CAPN14: variants seen among roughly 807,000 people sequenced by gnomAD.
CAPN14 encodes calpain-14.
Under a neutral mutation model 101.3 loss-of-function variants are expected in CAPN14, and 94 were observed. The observed-to-expected ratio is 0.93, with a 90% CI of 0.79 to 1.10. CAPN14 has a LOEUF of 1.10. Ranked by LOEUF, CAPN14 falls within the 50% of genes least tolerant of loss-of-function variation. The probability of loss-of-function intolerance (pLI) is 0.00; values close to 1 mark genes in which losing one functional copy is unlikely to be tolerated. For missense variants in CAPN14, 837 were observed against 828.4 expected (o/e 1.01, Z -0.13); for synonymous variants, 338 against 317.9 (o/e 1.06, Z -0.67).
chr2:31,186,828 T>C (rs1444017843), intron 15 of CAPN14, among the ~76,000 whole-genome samples: 2 of 152,218 alleles, frequency 1.3e-5, no homozygotes, highest in East Asian at 1.9e-4. Context: ...ATCAGTGAAA[T>C]ATAAGTATCA....
At position 31,205,276 on chromosome 2, in the gene CAPN14, T is replaced by G; in HGVS notation, c.172A>C (p.Ser58Arg). Residue 58 changes from serine to arginine, a missense_variant, in exon 2 of 22, where the codon AGT becomes CGT. Coordinates refer to ENST00000403897, the MANE Select transcript of CAPN14 (RefSeq NM_001145122.2). The stretch of plus-strand genomic sequence containing the variant: ...GGCAGCTTCTGCAGCAGGGAGCCAC[T>G]GCCGATGGAGCTCAGGGTGGCCGGG... ...SFPATLSSIG[S>R]GSLLQKLPPR... The G allele has an allele frequency of 6.5e-7, 1 of 1,550,096 alleles. No individual in the cohort carries two copies. Among genetic ancestry groups the G allele is most frequent in the South Asian group, 1.2e-5 (1 of 83,974 alleles).
At chr2:31,180,092 T>C (rs1192677530) in intron 17 of CAPN14, among the ~76,000 whole-genome samples, 1 of 152,128 alleles carries the variant, frequency 6.6e-6, no homozygotes, top group African/African-American at 2.4e-5. Flanking sequence ...TGGGTCAAAG[T>C]ACCACCACAC....
chr2:31,219,802 T>C (rs1260084806), upstream of CAPN14, among the ~76,000 whole-genome samples: 1 of 152,198 alleles, frequency 6.6e-6, no homozygotes, highest in East Asian at 1.9e-4. Flanking sequence ...TGAAACACAG[T>C]TGTGCTCGTC....
At chr2:31,202,316 C>G in intron 3 of CAPN14, 64 bp from the exon 4 acceptor site, 2 of 1,319,218 alleles carry the variant, frequency 1.5e-6, no homozygotes, top group Non-Finnish European at 2.1e-6. Flanking sequence ...GCAGAAAATG[C>G]CCGGTCCCAA....
intron 16 of CAPN14, among the ~76,000 whole-genome samples, chr2:31,181,400 T>TTCTG (rs1326036911): frequency 1.7e-5 from 1 of 57,948 alleles, no homozygotes; most frequent in East Asian, 6.5e-4. Flanking sequence ...CTTTCTTTTT[T>TTCTG]TCTTTCTTTC....
chr2:31,186,869 T>C (rs1680924809), intron 15 of CAPN14, among the ~76,000 whole-genome samples: 1 of 152,248 alleles, frequency 6.6e-6, no homozygotes, highest in Non-Finnish European at 1.5e-5. Context: ...TGAGGCATAT[T>C]CATAACATGC....
chr2:31,215,766 T>A (rs1371571836), intron 1 of CAPN14, among the ~76,000 whole-genome samples: 1 of 149,916 alleles, frequency 6.7e-6, no homozygotes, highest in Non-Finnish European at 1.5e-5. Flanking sequence ...TGATTAACGC[T>A]ACTCCAGAAG....
intron 8 of CAPN14, 68 bp from the exon 9 acceptor site, chr2:31,194,551 T>C: frequency 1.0e-6 from 1 of 994,602 alleles, no homozygotes; most frequent in Non-Finnish European, 1.5e-6. Context: ...AAAGGCTCTA[T>C]AGTGTCATTA....
chr2:31,196,857 C>T (rs560749256), intron 8 of CAPN14, among the ~76,000 whole-genome samples: 86 of 152,282 alleles, frequency 5.6e-4, no homozygotes, highest in African/African-American at 2.0e-3. Flanking sequence ...AGACACTGAA[C>T]CCAGGCACCA....
intron 1 of CAPN14, among the ~76,000 whole-genome samples, chr2:31,211,226 G>T (rs1682383628): frequency 8.2e-6 from 1 of 121,652 alleles, no homozygotes; most frequent in African/African-American, 2.9e-5. Flanking sequence ...AAGAAAGAGA[G>T]AAAGAAAGAA....
intron 2 of CAPN14, among the ~76,000 whole-genome samples, chr2:31,203,822 G>A (rs1431195150): frequency 1.3e-5 from 2 of 152,134 alleles, no homozygotes; most frequent in Non-Finnish European, 2.9e-5. Flanking sequence ...GAAAAGGAAA[G>A]TCTGTGGCAC....
chr2:31,191,454 A>T (rs970711965), intron 11 of CAPN14, 47 bp from the exon 12 acceptor site: 12 of 1,501,316 alleles, frequency 8.0e-6, no homozygotes, highest in African/African-American at 1.4e-5. Context: ...AAGAGGAGAG[A>T]GAGATCTCAT....
In CAPN14 at chr2:31,183,331, A is replaced by C. The variant is rs866328651; in HGVS notation, c.1646-2331T>G. Among the ~76,000 whole-genome samples, 556 of 152,256 alleles carry C rather than the reference A, an allele frequency of 3.7e-3. 5 individuals are homozygous for C. Among genetic ancestry groups the C allele is most frequent in the South Asian group, 0.035 (168 of 4,792 alleles). ...CAATGGCAACAAAAGCCAAAATTGA[A>C]AAATGGGATCTAATTAAACTAAAGA... On this transcript the variant is annotated intron_variant, in intron 16 of 21. Coordinates refer to ENST00000403897, the MANE Select transcript of CAPN14 (RefSeq NM_001145122.2).
intron 1 of CAPN14, among the ~76,000 whole-genome samples, chr2:31,215,848 G>GAAA (rs35210385): frequency 7.4e-6 from 1 of 134,390 alleles, no homozygotes; most frequent in Non-Finnish European, 1.6e-5. Flanking sequence ...TCTTAAAAAA[G>GAAA]AAAAAAAAAA....
chr2:31,180,707 A>G (rs149760139), intron 17 of CAPN14, among the ~76,000 whole-genome samples: 7 of 152,286 alleles, frequency 4.6e-5, no homozygotes, highest in Non-Finnish European at 1.0e-4. Flanking sequence ...TGACCCCAGC[A>G]TTTTACCTGT....
At chr2:31,182,371 A>G (rs1050808625) in intron 16 of CAPN14, among the ~76,000 whole-genome samples, 28 of 149,042 alleles carry the variant, frequency 1.9e-4, no homozygotes, top group Non-Finnish European at 3.2e-4. Flanking sequence ...AGGGTATTCA[A>G]TTGGGAAGAG....
chr2:31,181,160 G>C (rs1483795911), intron 16 of CAPN14, among the ~76,000 whole-genome samples, 160 bp from the exon 17 acceptor site: 1 of 152,172 alleles, frequency 6.6e-6, no homozygotes, highest in African/African-American at 2.4e-5. Context: ...AGACGGGGGG[G>C]TGACGGTCGT....
chr2:31,206,168 G>A (rs1326115160), intron 1 of CAPN14, among the ~76,000 whole-genome samples: 3 of 151,900 alleles, frequency 2.0e-5, no homozygotes, highest in African/African-American at 7.2e-5. Flanking sequence ...GAGTAGCTGG[G>A]ATTAGCAAGG....
intron 1 of CAPN14, among the ~76,000 whole-genome samples, chr2:31,215,006 C>T (rs138026962): frequency 0.04 from 6,150 of 152,098 alleles, 130 homozygotes; most frequent in African/African-American, 0.051. Context: ...CACAGGCACA[C>T]CCTCTTTGTA....
Sources: gnomAD v4.1 joint callset for allele counts (sites outside exome capture counted in the v4.1 genomes callset) on GRCh38, gnomAD v4.1.1 for gene constraint, MANE v1.5 for transcripts, NCBI Gene and HGNC (gene_info 2026-07-23, HGNC 2026-07-21) for gene names.